Variants in PCDHA4 observed in about 807,000 individuals in gnomAD.
PCDHA4 encodes the protein protocadherin alpha-4.
In PCDHA4, 49 loss-of-function variants were observed where a neutral mutation model predicts 61.4. That is an observed-to-expected ratio of 0.80 (90% CI 0.63 to 1.01). The LOEUF (loss-of-function observed/expected upper bound fraction) is 1.01. PCDHA4 is among the 50% of genes least tolerant of loss of function. The pLI, the probability that PCDHA4 is intolerant of heterozygous loss-of-function variation, is 0.00. For synonymous variants in PCDHA4, 590 were observed against 550.3 expected (o/e 1.07, Z -1.01); for missense variants, 1,254 against 1,235.8 (o/e 1.01, Z -0.22).
chr5:140,963,666 ATAGT>A (rs1254219157), intron 1 of PCDHA4, among the ~76,000 whole-genome samples: 1 of 152,216 alleles, frequency 6.6e-6, no homozygotes, highest in African/African-American at 2.4e-5. Flanking sequence ...CCTATATGGC[ATAGT>A]TAAATGTGTT....
At chr5:140,829,374 G>C in intron 1 of PCDHA4, 2 of 1,614,224 alleles carry the variant, frequency 1.2e-6, no homozygotes, top group Non-Finnish European at 1.7e-6. Flanking sequence ...GTAACCGCGC[G>C]GGACGGGGGC....
chr5:140,860,664 A>T (rs1400061239), intron 1 of PCDHA4: 2 of 152,252 alleles, frequency 1.3e-5, no homozygotes, highest in Non-Finnish European at 2.9e-5. Context: ...AATAATATGA[A>T]ATCAAATGCA....
rs782761361 is a variant in PCDHA4, at chr5:140,927,794, C to T, written c.2386-51155C>T. 1.2e-5 allele frequency: 20 copies of T among 1,614,154 alleles called. No individual in the cohort carries two copies. In the South Asian group the frequency reaches 1.6e-4, roughly 13 times the overall value. Reference sequence around the variant, plus strand: ...GTGCAAGTAGCTGCTTCACTAGGTCCGCCTGAAACGCTCTTGGAGGCATAC... The same window carrying T: ...GTGCAAGTAGCTGCTTCACTAGGTCTGCCTGAAACGCTCTTGGAGGCATAC... On this transcript the variant is annotated intron_variant, in intron 1 of 3. Coordinates refer to ENST00000530339, the MANE Select transcript of PCDHA4 (RefSeq NM_018907.4).
At chr5:140,832,017 G>A (rs2150199162) in intron 1 of PCDHA4, among the ~76,000 whole-genome samples, 8 of 152,272 alleles carry the variant, frequency 5.3e-5, no homozygotes, top group African/African-American at 1.9e-4. Context: ...TTTACGTAAA[G>A]ATTGAATTTT....
intron 1 of PCDHA4, among the ~76,000 whole-genome samples, chr5:140,952,848 T>A (rs10476804): frequency 0.013 from 2,044 of 152,238 alleles, 38 homozygotes; most frequent in African/African-American, 0.047. Context: ...CTGCTTGTCT[T>A]CTGGGGAGGC....
chr5:140,963,151 A>G (rs544176369), intron 1 of PCDHA4, among the ~76,000 whole-genome samples: 2 of 152,326 alleles, frequency 1.3e-5, no homozygotes, highest in South Asian at 4.1e-4. Context: ...ATGAATTTAA[A>G]AATGACACAT....
rs185756096 is a variant in PCDHA4, at chr5:140,914,471, T to C, written c.2386-64478T>C. On this transcript the variant is annotated intron_variant, in intron 1 of 3. Coordinates refer to ENST00000530339, the MANE Select transcript of PCDHA4 (RefSeq NM_018907.4). The stretch of plus-strand genomic sequence containing the variant: ...ATTTTCCAGTCTATGTGTATCTTCA[T>C]AGGTGAAGTGTTTCTTGTGGGCAAC... Among the ~76,000 whole-genome samples the C allele has an allele frequency of 2.9e-3, 442 of 152,310 alleles. 1 individual carries two copies. Among genetic ancestry groups the C allele is most frequent in the African/African-American group, 0.01 (423 of 41,574 alleles).
chr5:140,928,893 T>C (rs1554206469), intron 1 of PCDHA4: 1 of 1,614,052 alleles, frequency 6.2e-7, no homozygotes, highest in African/African-American at 1.3e-5. Flanking sequence ...TTCCAGACTT[T>C]GAAGATGTCT....
At chr5:140,887,442 T>C (rs2061450115) in intron 1 of PCDHA4, among the ~76,000 whole-genome samples, 1 of 152,180 alleles carries the variant, frequency 6.6e-6, no homozygotes, top group Non-Finnish European at 1.5e-5. Context: ...CTGGGCATAG[T>C]TGACAGTTTT....
rs148688132 is a variant in PCDHA4, at chr5:140,902,203, CTT to C, written c.2386-76729_2386-76728del. Among the ~76,000 whole-genome samples the C allele has an allele frequency of 5.2e-3, 642 of 124,424 alleles. 3 individuals are homozygous for C. The highest frequency in any genetic ancestry group is 0.019 in the African/African-American group (601 of 32,314). 81.6% of individuals were successfully genotyped at this position (124,424 alleles called of 152,430 possible). The stretch of plus-strand genomic sequence containing the variant: ...TTATGTCTTCTCTCTCTCTCTCTTT[CTT>C]TTTTTTTTTTTTTTTTGAGATGAGG... On this transcript the variant is annotated intron_variant, in intron 1 of 3. Coordinates refer to ENST00000530339, the MANE Select transcript of PCDHA4 (RefSeq NM_018907.4).
At chr5:140,969,058 TG>T in intron 1 of PCDHA4, 2 of 1,614,166 alleles carry the variant, frequency 1.2e-6, no homozygotes, top group Non-Finnish European at 1.7e-6. Context: ...ACAACAATAT[TG>T]ATGCCAGGAT....
chr5:140,883,412 A>G, intron 1 of PCDHA4: 1 of 1,614,152 alleles, frequency 6.2e-7, no homozygotes, highest in African/African-American at 1.3e-5. Context: ...CTCTGGCTCA[A>G]ATGGACAGGT....
At chr5:140,861,610 A>T (rs1268305779) in intron 1 of PCDHA4, 1 of 355,772 alleles carries the variant, frequency 2.8e-6, no homozygotes. Context: ...AACAATAAAG[A>T]CAACCTGCCA....
Position 140,857,497 on chromosome 5 carries a change from G to T in PCDHA4, c.2385+47925G>T, listed in dbSNP as rs1473016176. Reference sequence around the variant, plus strand: ...CGGTGTCTGCGTGGGACGCGGACGCGCAGGAGAACGCCCTGGTGTCCTACT... The same window carrying T: ...CGGTGTCTGCGTGGGACGCGGACGCTCAGGAGAACGCCCTGGTGTCCTACT... On this transcript the variant is annotated intron_variant, in intron 1 of 3. Coordinates refer to ENST00000530339, the MANE Select transcript of PCDHA4 (RefSeq NM_018907.4). 10 of 1,598,150 alleles carry T rather than the reference G, an allele frequency of 6.3e-6. 1 individual carries two copies. The highest frequency in any genetic ancestry group is 5.4e-5 in the African/African-American group (4 of 74,450).
Position 140,807,933 on chromosome 5 carries a change from T to C in PCDHA4, c.746T>C (p.Val249Ala), listed in dbSNP as rs782209478. ...GCTTTTGACAGAACCATTTATAAGG[T>C]GAGATTACTAGAAAATGTTCCTAAT... ...APAFDRTIYK[V>A]RLLENVPNGT... is the part of the protein sequence containing the mutation. The change falls in exon 1 of 4, where the codon GTG becomes GCG. Residue 249 changes from valine to alanine, a missense_variant. Val to Ala is a moderately conservative substitution (Grantham distance 64, BLOSUM62 0). Transcript: ENST00000530339. The C allele has an allele frequency of 5.0e-6, 8 of 1,613,928 alleles. No individual in the cohort carries two copies. Among genetic ancestry groups the C allele is most frequent in the Non-Finnish European group, 6.8e-6 (8 of 1,179,976 alleles).
rs1214693088 is a variant in PCDHA4, at chr5:140,904,196, C to T, written c.2386-74753C>T. Among the ~76,000 whole-genome samples the T allele has an allele frequency of 1.1e-4, 17 of 152,034 alleles. No homozygotes were observed. In the East Asian group the frequency reaches 3.3e-3, roughly 29 times the overall value. On this transcript the variant is annotated intron_variant, in intron 1 of 3. Transcript: ENST00000530339. ...TTCCTCACCCCCTTCCCACCCTTTC[C>T]CCCTAAGTCCCCAAAGTCCATTGTA... is the stretch of plus-strand genomic sequence containing the variant.
chr5:140,909,895 C>A (rs1296442880), intron 1 of PCDHA4, among the ~76,000 whole-genome samples: 1 of 152,152 alleles, frequency 6.6e-6, no homozygotes, highest in Non-Finnish European at 1.5e-5. Context: ...GTTCAGTAGT[C>A]CCTGAAATGG....
intron 1 of PCDHA4, chr5:140,811,340 A>G (rs955953470): frequency 1.3e-5 from 2 of 151,638 alleles, no homozygotes; most frequent in Non-Finnish European, 2.9e-5. Flanking sequence ...ACATGAACTC[A>G]CCCTTTTTTA....
intron 1 of PCDHA4, among the ~76,000 whole-genome samples, chr5:140,977,323 G>A (rs542392962): frequency 1.3e-5 from 2 of 152,324 alleles, no homozygotes; most frequent in Non-Finnish European, 1.5e-5. Context: ...GCTCCTGATG[G>A]CGAGGGGAGA....
Sources: allele counts gnomAD v4.1 joint callset (sites outside exome capture counted in the v4.1 genomes callset), GRCh38; gene constraint gnomAD v4.1.1; transcripts MANE v1.5; gene names NCBI Gene and HGNC (gene_info 2026-07-23, HGNC 2026-07-21).